Variants in GAPDHS observed in about 807,000 individuals in gnomAD.
The protein encoded by GAPDHS is glyceraldehyde-3-phosphate dehydrogenase, testis-specific.
GAPDHS carries 42 observed loss-of-function variants against 48.7 expected under a neutral mutation model. The ratio of observed to expected loss-of-function variants is 0.86; its 90% CI spans 0.67 to 1.12. The LOEUF (loss-of-function observed/expected upper bound fraction) is 1.12, where lower values mean the gene tolerates loss of function less well. Ranked by LOEUF, GAPDHS falls within the 50% of genes most tolerant of loss-of-function variation. The pLI is 0.00. For missense variants in GAPDHS, 512 were observed against 557.7 expected, an observed-to-expected ratio of 0.92 and a Z score of 0.82; for synonymous variants, 166 against 219.1, an observed-to-expected ratio of 0.76 and a Z score of 2.14.
chr19:35,542,316 CA>C lies in GAPDHS; in HGVS notation c.450-2del. ...CTGACTCAGCCCTGCCACTTCCCCA[CA>C]GCAAAGAGCCCAAACAGATCCCCTG... On this transcript the variant is annotated splice_acceptor_variant, in intron 4 of 10. Coordinates refer to ENST00000222286, the MANE Select transcript of GAPDHS (RefSeq NM_014364.5). LOFTEE classifies it high-confidence loss of function. The C allele has an allele frequency of 6.2e-7, 1 of 1,607,046 alleles. No homozygotes were observed. The highest frequency in any genetic ancestry group is 1.1e-5 in the South Asian group (1 of 90,910).
chr19:35,544,128 T>C (rs1341281528), intron 9 of GAPDHS: 3 of 322,484 alleles, frequency 9.3e-6, no homozygotes, highest in Non-Finnish European at 1.7e-5. Flanking sequence ...TTTCATTTCA[T>C]AGTCACTGTT....
intron 1 of GAPDHS, among the ~76,000 whole-genome samples, chr19:35,534,688 T>C (rs1488222869): frequency 1.3e-5 from 2 of 152,064 alleles, no homozygotes; most frequent in South Asian, 2.1e-4. Context: ...CTTTCTCCCA[T>C]AGCAGAAACA....
intron 4 of GAPDHS, among the ~76,000 whole-genome samples, chr19:35,539,989 C>T (rs2071491243): frequency 6.6e-6 from 1 of 152,206 alleles, no homozygotes; most frequent in East Asian, 1.9e-4. Context: ...CCCTCTCCAT[C>T]CCCGCACTGT....
At chr19:35,544,817 A>G (rs947700080) in intron 9 of GAPDHS, 92 bp from the exon 10 acceptor site, 1 of 794,274 alleles carries the variant, frequency 1.3e-6, no homozygotes, top group Non-Finnish European at 2.3e-6. Flanking sequence ...AGATGAATGC[A>G]TGGATGGGCG....
chr19:35,535,494 C>T (rs912969532), intron 1 of GAPDHS, among the ~76,000 whole-genome samples: 2 of 151,818 alleles, frequency 1.3e-5, no homozygotes, highest in Non-Finnish European at 1.5e-5. Flanking sequence ...AAGCGATTCT[C>T]CTGCTTCAGC....
At chr19:35,543,918 T>A (rs556503969) in intron 9 of GAPDHS, 91 bp downstream of exon 9, 2 of 1,445,036 alleles carry the variant, frequency 1.4e-6, no homozygotes, top group Non-Finnish European at 9.1e-7. Context: ...ATGTGCCAAG[T>A]CAGAAACTGC....
At chr19:35,533,657 C>A in intron 1 of GAPDHS, 63 bp downstream of exon 1, 2 of 1,271,794 alleles carry the variant, frequency 1.6e-6, no homozygotes, top group South Asian at 1.3e-5. Flanking sequence ...CGTCTGCACC[C>A]TCACACCTGT....
At chr19:35,538,741 G>T in intron 4 of GAPDHS, 58 bp downstream of exon 4, 1 of 1,128,688 alleles carries the variant, frequency 8.9e-7, no homozygotes, top group Non-Finnish European at 1.3e-6. Flanking sequence ...GGCATGTGGA[G>T]GTGGCTAAAA....
rs145380234 is a variant in GAPDHS, at chr19:35,540,300, C to G, written c.449+1617C>G. On this transcript the variant is annotated intron_variant, in intron 4 of 10. Transcript: ENST00000222286. Reference sequence around the variant, plus strand: ...TACAGGCCCTGATAGCCATTCAGAACTTCCTTTGAATGAATGAATGGAATC... The same window carrying G: ...TACAGGCCCTGATAGCCATTCAGAAGTTCCTTTGAATGAATGAATGGAATC... 4.6e-3 allele frequency among the ~76,000 whole-genome samples: 700 copies of G among 152,340 alleles called. 8 individuals are homozygous for G. The highest frequency in any genetic ancestry group is 6.7e-3 in the Admixed American group (102 of 15,304).
chr19:35,533,597 G>C lies in GAPDHS; in HGVS notation c.67+3G>C, dbSNP rs534717308. On this transcript the variant is annotated splice_donor_region_variant and intron_variant, in intron 1 of 10. Coordinates refer to ENST00000222286, the MANE Select transcript of GAPDHS (RefSeq NM_014364.5). Reference sequence around the variant, plus strand: ...GTTGCTGCGACAGCCGTGCCCGGGTGAGGGAGGCAGCGGAGGGCGCGGGGG... The same window carrying C: ...GTTGCTGCGACAGCCGTGCCCGGGTCAGGGAGGCAGCGGAGGGCGCGGGGG... 1.2e-5 allele frequency: 20 copies of C among 1,609,744 alleles called. No homozygotes were observed. The highest frequency in any genetic ancestry group is 1.7e-5 in the Non-Finnish European group (20 of 1,178,292).
At chr19:35,544,645 G>A (rs1436624996) in intron 9 of GAPDHS, 1 of 507,906 alleles carries the variant, frequency 2.0e-6, no homozygotes, top group South Asian at 2.3e-5. Context: ...CATTCCAAAC[G>A]CTTGCATTAT....
rs776266031 is a variant in GAPDHS at position 35,533,481 on chromosome 19, G to A, written c.-47G>A. ...AGCCCTGGCGCTCCGCACGCACCTC[G>A]GTAACATCACAGCAGGTCCAGGCCA... On this transcript the variant is annotated 5_prime_UTR_variant, in exon 1 of 11. Coordinates refer to ENST00000222286, the MANE Select transcript of GAPDHS (RefSeq NM_014364.5). 2.3e-5 allele frequency: 36 copies of A among 1,557,612 alleles called. No individual in the cohort carries two copies. The highest frequency in any genetic ancestry group is 2.6e-5 in the Non-Finnish European group (29 of 1,129,480).
intron 6 of GAPDHS, 158 bp from the exon 7 acceptor site, chr19:35,542,787 T>C: frequency 1.4e-6 from 1 of 724,702 alleles, no homozygotes; most frequent in Non-Finnish European, 2.4e-6. Context: ...TGCACCTCAG[T>C]GCCTCCTTCA....
intron 1 of GAPDHS, 92 bp from the exon 2 acceptor site, chr19:35,536,721 A>G: frequency 9.2e-7 from 1 of 1,085,034 alleles, no homozygotes; most frequent in Admixed American, 2.1e-5. Flanking sequence ...ACGAGGGGCC[A>G]GGAGCCAGCA....
chr19:35,534,352 C>G (rs1415622297), intron 1 of GAPDHS, among the ~76,000 whole-genome samples: 2 of 152,214 alleles, frequency 1.3e-5, no homozygotes, highest in African/African-American at 4.8e-5. Flanking sequence ...CTGGAAGACA[C>G]AGGAGCAGAC....
intron 2 of GAPDHS, among the ~76,000 whole-genome samples, chr19:35,537,726 T>C (rs1391495555): frequency 1.2e-4 from 18 of 151,364 alleles, no homozygotes; most frequent in East Asian, 1.9e-4. Context: ...CAGAAAAAAA[T>C]TGTTTTAATT....
In GAPDHS at chr19:35,543,511, C is replaced by A. The variant is rs992178098; in HGVS notation, c.893+20C>A. 7 of 1,591,860 alleles carry A rather than the reference C, an allele frequency of 4.4e-6. No homozygotes were observed. Among genetic ancestry groups the A allele is most frequent in the Middle Eastern group, 1.7e-4 (1 of 5,972 alleles). On this transcript the variant is annotated intron_variant, in intron 8 of 10. Coordinates refer to ENST00000222286, the MANE Select transcript of GAPDHS (RefSeq NM_014364.5). Reference sequence around the variant, plus strand: ...CAAAGGGTATGAGGACAAGAAGCTGCAACCAGGGTGGGGGCATACGCCAGG... The same window carrying A: ...CAAAGGGTATGAGGACAAGAAGCTGAAACCAGGGTGGGGGCATACGCCAGG...
At chr19:35,544,620 C>T (rs1322648525) in intron 9 of GAPDHS, 2 of 438,934 alleles carry the variant, frequency 4.6e-6, no homozygotes, top group Non-Finnish European at 8.4e-6. Context: ...CTCAGAGAGG[C>T]CCTCCATGCT....
chr19:35,544,928 T>G lies in GAPDHS; in HGVS notation c.1076T>G (p.Leu359Arg), dbSNP rs1293197876. ...TTCCAGGTCGTCTCTACGGACTTCC[T>G]CGGTGATACCCACTCGTCCATCTTC... Reference protein sequence around the residue: ...TEDEVVSTDFLGDTHSSIFDA... With the variant: ...TEDEVVSTDFRGDTHSSIFDA... The change falls in exon 10 of 11, where the codon CTC becomes CGC. Residue 359 changes from leucine (L) to arginine (R), a missense_variant. Leu to Arg is a moderately radical substitution (Grantham distance 102). Coordinates refer to ENST00000222286, the MANE Select transcript of GAPDHS (RefSeq NM_014364.5). The G allele has an allele frequency of 6.2e-7, 1 of 1,613,042 alleles. No individual in the cohort carries two copies.
Sources: allele counts gnomAD v4.1 joint callset (sites outside exome capture counted in the v4.1 genomes callset), GRCh38; gene constraint gnomAD v4.1.1; transcripts MANE v1.5; gene names NCBI Gene and HGNC (gene_info 2026-07-23, HGNC 2026-07-21).